Variants in FBXO31 observed in about 807,000 individuals in gnomAD.
The protein encoded by FBXO31 is F-box only protein 31.
FBXO31 carries 24 observed loss-of-function variants against 54.4 expected under a neutral mutation model. The observed-to-expected ratio is 0.44, with a 90% CI of 0.32 to 0.62. FBXO31 has a LOEUF of 0.62. Ranked by LOEUF, FBXO31 falls within the 20% of genes least tolerant of loss-of-function variation. The pLI, the probability that FBXO31 is intolerant of heterozygous loss-of-function variation, is 0.05. For missense variants in FBXO31, 665 were observed against 787.1 expected (o/e 0.84, Z 1.86); for synonymous variants, 388 against 335.6 (o/e 1.16, Z -1.71).
At chr16:87,348,694 C>A (rs1905507321) in intron 2 of FBXO31, among the ~76,000 whole-genome samples, 1 of 152,154 alleles carries the variant, frequency 6.6e-6, no homozygotes, top group South Asian at 2.1e-4. Context: ...GTCCCAGGGC[C>A]CCTAACGGTG....
chr16:87,378,539 T>G (rs1425348266), intron 1 of FBXO31, among the ~76,000 whole-genome samples: 1 of 152,204 alleles, frequency 6.6e-6, no homozygotes, highest in African/African-American at 2.4e-5. Flanking sequence ...GACTTGCCCA[T>G]CCATGGCCTG....
At chr16:87,382,185 G>C (rs925067076) in intron 1 of FBXO31, among the ~76,000 whole-genome samples, 1 of 152,204 alleles carries the variant, frequency 6.6e-6, no homozygotes, top group African/African-American at 2.4e-5. Context: ...AGTGAGGGAC[G>C]AGTCTGTGCT....
At chr16:87,341,586 G>A (rs1180071497) in intron 5 of FBXO31, among the ~76,000 whole-genome samples, 2 of 148,662 alleles carry the variant, frequency 1.3e-5, no homozygotes, top group Admixed American at 6.9e-5. Context: ...AACCGGGAAG[G>A]CGGAAGTTGC....
At chr16:87,357,491 G>A (rs973579923) in intron 2 of FBXO31, among the ~76,000 whole-genome samples, 1 of 152,102 alleles carries the variant, frequency 6.6e-6, no homozygotes, top group East Asian at 2.0e-4. Context: ...ACCACACCCA[G>A]CTAATTTTTG....
intron 8 of FBXO31, among the ~76,000 whole-genome samples, 176 bp downstream of exon 8, chr16:87,333,710 C>A (rs1383528632): frequency 1.3e-5 from 2 of 152,192 alleles, no homozygotes; most frequent in Non-Finnish European, 2.9e-5. Context: ...GCCGCTTGCT[C>A]AGGTGCTGGG....
At chr16:87,390,253 C>A (rs1236947944), upstream of FBXO31, among the ~76,000 whole-genome samples, 2 of 152,086 alleles carry the variant, frequency 1.3e-5, no homozygotes, top group African/African-American at 4.8e-5. Flanking sequence ...TGCACTCCAG[C>A]CTGGGCAACA....
intron 1 of FBXO31, among the ~76,000 whole-genome samples, chr16:87,374,114 T>C (rs1906720028): frequency 6.6e-6 from 1 of 152,072 alleles, no homozygotes. Flanking sequence ...TGGTGGCACA[T>C]GCCTACAGTC....
intron 2 of FBXO31, among the ~76,000 whole-genome samples, chr16:87,356,235 AAAAAAAAAG>A: frequency 6.6e-6 from 1 of 151,732 alleles, no homozygotes; most frequent in East Asian, 1.9e-4. Flanking sequence ...TCTCAAAAAA[AAAAAAAAAG>A]AAAAGAAAGA....
rs1170825796 is a variant in FBXO31 at position 87,328,993 on chromosome 16, G to A, written c.*2295C>T. Reference sequence around the variant, plus strand: ...GGGCCACCTGCAGGATCCCCTGAGAGGGTGGATGCCCTCCCCCGGAAGGGA... The same window carrying A: ...GGGCCACCTGCAGGATCCCCTGAGAAGGTGGATGCCCTCCCCCGGAAGGGA... On this transcript the variant is annotated 3_prime_UTR_variant, in exon 9 of 9. Transcript: ENST00000311635. 2 of 152,272 alleles carry A rather than the reference G, an allele frequency of 1.3e-5. No homozygotes were observed. The highest frequency in any genetic ancestry group is 1.9e-4 in the East Asian group (1 of 5,198). 9.4% of individuals were successfully genotyped at this position (152,272 alleles called of 1,614,324 possible).
At position 87,360,422 on chromosome 16, in the gene FBXO31, C is replaced by T. The variant is rs148914157; in HGVS notation, c.341-56G>A. The T allele has an allele frequency of 3.6e-5, 54 of 1,511,124 alleles. 1 individual carries two copies. In the African/African-American group the frequency reaches 4.1e-4, roughly 11 times the overall value. The allele number at this position is 1,511,124 out of a possible 1,614,324, so 93.6% of individuals were successfully genotyped here. ...GATCAACAACTCATAACGCGACAGACGTGGGCAGGCTGCTGATGGCTGGCA... is the reference window on the plus strand; with the variant it reads ...GATCAACAACTCATAACGCGACAGATGTGGGCAGGCTGCTGATGGCTGGCA... On this transcript the variant is annotated intron_variant, in intron 1 of 8. Transcript: ENST00000311635.
rs1216187861 is a variant in FBXO31 at position 87,345,255 on chromosome 16, C to A, written c.490-1490G>T. The stretch of plus-strand genomic sequence containing the variant: ...TGACACCTCAGGGGCCAGCTGCCTG[C>A]CCAGAGCTCAACAAAGTCAGGGCGG... On this transcript the variant is annotated intron_variant, in intron 3 of 8. Coordinates refer to ENST00000311635, the MANE Select transcript of FBXO31 (RefSeq NM_024735.5). This position sits in a 1 kb window ranked among gnomAD's most constrained non-coding sequence, Gnocchi z 4.9. Among the ~76,000 whole-genome samples the A allele has an allele frequency of 2.0e-5, 3 of 151,966 alleles. No individual in the cohort carries two copies. Among genetic ancestry groups the A allele is most frequent in the Admixed American group, 6.6e-5 (1 of 15,260 alleles).
Position 87,360,303 on chromosome 16 carries a change from T to C in FBXO31, c.404A>G (p.Tyr135Cys), listed in dbSNP as rs1053890244. ...CAAATAGATTCACTCACGCTTCGCA[T>C]AGACGTCCCGACAAGACACGCCTGT... ...EITGVSCRDV[Y>C]AKLLHRYRHI... is the part of the protein sequence containing the mutation. Residue 135 changes from tyrosine to cysteine, a missense_variant, in exon 2 of 9, where the codon TAT becomes TGT. Coordinates refer to ENST00000311635, the MANE Select transcript of FBXO31 (RefSeq NM_024735.5). The C allele has an allele frequency of 5.0e-6, 8 of 1,614,180 alleles. No homozygotes were observed. Among genetic ancestry groups the C allele is most frequent in the Non-Finnish European group, 6.8e-6 (8 of 1,179,996 alleles).
intron 5 of FBXO31, among the ~76,000 whole-genome samples, chr16:87,341,613 G>A (rs1002159316): frequency 1.3e-4 from 16 of 127,960 alleles, no homozygotes; most frequent in African/African-American, 2.7e-4. Flanking sequence ...CCAAGATCAC[G>A]TCACTGCACT....
intron 1 of FBXO31, among the ~76,000 whole-genome samples, chr16:87,379,362 G>C (rs578199319): frequency 8.5e-5 from 13 of 152,316 alleles, no homozygotes; most frequent in East Asian, 3.9e-4. Flanking sequence ...CTATAACCCT[G>C]AGGCAGAGGG....
intron 1 of FBXO31, among the ~76,000 whole-genome samples, chr16:87,364,923 T>C (rs1906287798): frequency 6.9e-6 from 1 of 145,208 alleles, no homozygotes; most frequent in African/African-American, 2.6e-5. Flanking sequence ...GGGAAGATCA[T>C]CTGAGTCCAG....
rs1597382240 is a variant in FBXO31 at position 87,383,182 on chromosome 16, A to C, written c.340+223T>G. On this transcript the variant is annotated intron_variant, in intron 1 of 8. Transcript: ENST00000311635. This position sits in a 1 kb window ranked among gnomAD's most constrained non-coding sequence, Gnocchi z 4.9. The stretch of plus-strand genomic sequence containing the variant: ...TCCCTACCCCGTCTGCCTCTCTTGG[A>C]CCCCTCGGACCCTCCCTAACCGCCT... Among the ~76,000 whole-genome samples the C allele has an allele frequency of 6.7e-6, 1 of 148,730 alleles. No individual in the cohort carries two copies.
intron 4 of FBXO31, among the ~76,000 whole-genome samples, 166 bp from the exon 5 acceptor site, chr16:87,343,117 C>T (rs1242826171): frequency 6.6e-6 from 1 of 152,244 alleles, no homozygotes; most frequent in African/African-American, 2.4e-5. Flanking sequence ...GGAGCTGAGT[C>T]TCCCTGAGCA....
upstream of FBXO31, among the ~76,000 whole-genome samples, chr16:87,384,444 G>A (rs189060774): frequency 6.6e-6 from 1 of 152,204 alleles, no homozygotes; most frequent in Non-Finnish European, 1.5e-5. Context: ...GGGGATGCGC[G>A]CCCGGTCTGG....
chr16:87,344,813 C>T (rs1480706556), intron 3 of FBXO31, among the ~76,000 whole-genome samples: 1 of 152,304 alleles, frequency 6.6e-6, no homozygotes, highest in Non-Finnish European at 1.5e-5. Context: ...AAACGCAGAG[C>T]GGGTTTCTCC....
Sources: allele counts gnomAD v4.1 joint callset (sites outside exome capture counted in the v4.1 genomes callset), GRCh38; gene constraint gnomAD v4.1.1; non-coding constraint Gnocchi (gnomAD v3.1); transcripts MANE v1.5; gene names NCBI Gene and HGNC (gene_info 2026-07-23, HGNC 2026-07-21).